Variants in ASAP1 observed in about 807,000 individuals in gnomAD.
ASAP1 encodes arf-GAP with SH3 domain, ANK repeat and PH domain-containing protein 1.
In ASAP1, 43 loss-of-function variants were observed where a neutral mutation model predicts 145.2. That is an observed-to-expected ratio of 0.30 (90% CI 0.23 to 0.38). ASAP1 has a LOEUF of 0.38. ASAP1 is among the 10% of genes least tolerant of loss of function. The pLI, the probability that ASAP1 is intolerant of heterozygous loss-of-function variation, is 1.00. For missense variants in ASAP1, 1,018 were observed against 1,355.3 expected (o/e 0.75, Z 3.91); for synonymous variants, 546 against 515.5 (o/e 1.06, Z -0.80).
chr8:130,239,341 C>T (rs1237315071), intron 3 of ASAP1, among the ~76,000 whole-genome samples: 2 of 152,104 alleles, frequency 1.3e-5, no homozygotes, highest in African/African-American at 4.8e-5. Flanking sequence ...GATTATCTCA[C>T]TTAATTCTCA....
chr8:130,128,118 A>T (rs755560575), intron 15 of ASAP1, 28 bp from the exon 16 acceptor site: 17 of 1,356,588 alleles, frequency 1.3e-5, no homozygotes, highest in East Asian at 2.7e-5. Context: ...AGAGGAAAAA[A>T]GTCTTTATAA....
At chr8:130,160,789 C>G in intron 11 of ASAP1, 1 of 1,284,286 alleles carries the variant, frequency 7.8e-7, no homozygotes, top group Non-Finnish European at 1.0e-6. Flanking sequence ...ACTTACTCTC[C>G]TAGACTTCGA....
At chr8:130,214,791 A>C in intron 4 of ASAP1, 90 bp from the exon 5 acceptor site, 1 of 1,105,550 alleles carries the variant, frequency 9.0e-7, no homozygotes, top group Non-Finnish European at 1.3e-6. Context: ...CGAATTCTCA[A>C]AATGGAAGCA....
At chr8:130,244,102 C>T (rs1267195248) in intron 3 of ASAP1, among the ~76,000 whole-genome samples, 1 of 152,148 alleles carries the variant, frequency 6.6e-6, no homozygotes. Flanking sequence ...GTGTATAGAT[C>T]ACCCTGTTGT....
At chr8:130,181,359 G>A (rs893809227) in intron 7 of ASAP1, among the ~76,000 whole-genome samples, 2 of 152,268 alleles carry the variant, frequency 1.3e-5, no homozygotes, top group South Asian at 4.1e-4. Flanking sequence ...AAGAAATTTT[G>A]ATAGTTTACC....
At chr8:130,359,035 C>A (rs552579095) in intron 2 of ASAP1, among the ~76,000 whole-genome samples, 2 of 152,260 alleles carry the variant, frequency 1.3e-5, no homozygotes, top group South Asian at 4.1e-4. Context: ...GGCGCAGGGG[C>A]GGCCTCCCGG....
rs1815935347 is a variant in ASAP1, at chr8:130,202,586, A to G, written c.405+11970T>C. Among the ~76,000 whole-genome samples the G allele has an allele frequency of 2.6e-5, 4 of 152,216 alleles. 1 individual carries two copies. Among genetic ancestry groups the G allele is most frequent in the South Asian group, 2.1e-4 (1 of 4,832 alleles). On this transcript the variant is annotated intron_variant, in intron 5 of 29. Coordinates refer to ENST00000518721, the MANE Select transcript of ASAP1 (RefSeq NM_018482.4). ...TTGCTTAATATTATTTAATGTTTCTACTTATGAAAACAGTCTCTGCTAGCT... is the reference window on the plus strand; with the variant it reads ...TTGCTTAATATTATTTAATGTTTCTGCTTATGAAAACAGTCTCTGCTAGCT...
chr8:130,191,099 A>AT (rs1815109206), intron 5 of ASAP1, among the ~76,000 whole-genome samples: 1 of 148,226 alleles, frequency 6.7e-6, no homozygotes, highest in Admixed American at 6.8e-5. Context: ...AGTCTCCTTG[A>AT]TTTTAAGATG....
chr8:130,126,872 C>T (rs375688132), intron 16 of ASAP1, among the ~76,000 whole-genome samples: 9 of 152,174 alleles, frequency 5.9e-5, no homozygotes, highest in African/African-American at 2.2e-4. Context: ...CTTAAGAATA[C>T]CAGGTTTGCA....
intron 5 of ASAP1, among the ~76,000 whole-genome samples, chr8:130,198,895 C>T (rs1425151619): frequency 2.6e-5 from 4 of 152,170 alleles, no homozygotes; most frequent in Non-Finnish European, 2.9e-5. Flanking sequence ...TATCCAAGCT[C>T]CCAATTTAGC....
chr8:130,276,365 C>T (rs1820881157), intron 3 of ASAP1, among the ~76,000 whole-genome samples: 1 of 152,064 alleles, frequency 6.6e-6, no homozygotes, highest in Non-Finnish European at 1.5e-5. Context: ...AATGATTTAC[C>T]CCAGATCACA....
At chr8:130,315,563 T>C (rs1823616447) in intron 3 of ASAP1, among the ~76,000 whole-genome samples, 1 of 151,560 alleles carries the variant, frequency 6.6e-6, no homozygotes. Flanking sequence ...AAGAGGCGAG[T>C]CTGAATTAGG....
chr8:130,158,598 G>A (rs2097662680), intron 12 of ASAP1, among the ~76,000 whole-genome samples: 1 of 152,148 alleles, frequency 6.6e-6, no homozygotes, highest in Non-Finnish European at 1.5e-5. Flanking sequence ...ATTTGTTTAA[G>A]CAACAGAAAA....
intron 2 of ASAP1, among the ~76,000 whole-genome samples, chr8:130,385,238 G>T (rs2138426665): frequency 6.6e-6 from 1 of 152,290 alleles, no homozygotes; most frequent in Admixed American, 6.5e-5. Context: ...GGCTGAGGTG[G>T]GCGGATCACT....
At chr8:130,290,679 T>G (rs1157701929) in intron 3 of ASAP1, among the ~76,000 whole-genome samples, 1 of 152,212 alleles carries the variant, frequency 6.6e-6, no homozygotes, top group Admixed American at 6.5e-5. Flanking sequence ...CCAAACCACC[T>G]CTACCAATTG....
intron 3 of ASAP1, among the ~76,000 whole-genome samples, chr8:130,287,280 G>A (rs553409513): frequency 6.6e-6 from 1 of 152,204 alleles, no homozygotes; most frequent in Admixed American, 6.5e-5. Context: ...ACAGCTTGAT[G>A]GATGGATGTT....
In ASAP1 at chr8:130,403,554, C is replaced by CTTTT. The variant is rs372481861; in HGVS notation, c.-27-1588_-27-1585dup. Reference sequence around the variant, plus strand: ...CATAAGACATTTTCTTTTTCTTTTTCTTTTTTTTTTTTTTTTTGTGAGACA... The same window carrying CTTTT: ...CATAAGACATTTTCTTTTTCTTTTTCTTTTTTTTTTTTTTTTTTTTTGTGAGACA... On this transcript the variant is annotated intron_variant, in intron 1 of 29. Transcript: ENST00000518721. Among the ~76,000 whole-genome samples the CTTTT allele has an allele frequency of 4.5e-3, 564 of 125,346 alleles. 12 individuals carry two copies. The highest frequency in any genetic ancestry group is 0.016 in the African/African-American group (520 of 32,270). The allele number at this position is 125,346 out of a possible 152,430, so 82.2% of individuals were successfully genotyped here. A position where few individuals can be genotyped will look rare whatever the true frequency, so the allele number is the denominator to read the frequency against.
At chr8:130,185,807 A>C (rs950144451) in intron 7 of ASAP1, among the ~76,000 whole-genome samples, 1 of 152,038 alleles carries the variant, frequency 6.6e-6, no homozygotes, top group Admixed American at 6.6e-5. Flanking sequence ...AGTGAGAAGT[A>C]CAAGGAAGAG....
At chr8:130,288,740 C>G (rs144712387) in intron 3 of ASAP1, among the ~76,000 whole-genome samples, 1 of 152,256 alleles carries the variant, frequency 6.6e-6, no homozygotes, top group African/African-American at 2.4e-5. Flanking sequence ...GTAATCTGCC[C>G]CAGTAATCTG....
Sources: allele counts gnomAD v4.1 joint callset (sites outside exome capture counted in the v4.1 genomes callset), GRCh38; gene constraint gnomAD v4.1.1; transcripts MANE v1.5; gene names NCBI Gene and HGNC (gene_info 2026-07-23, HGNC 2026-07-21).